Variants in ATP9A observed in about 807,000 individuals in gnomAD.
ATP9A encodes the protein ATPase phospholipid transporting 9A.
A neutral mutation model predicts 144.1 loss-of-function variants in ATP9A; 52 were observed. The ratio of observed to expected loss-of-function variants is 0.36; its 90% CI spans 0.29 to 0.45. The LOEUF is 0.45. Among genes scored for constraint, ATP9A ranks in the 20% least tolerant of loss-of-function variants. The pLI is 1.00. For synonymous variants in ATP9A, 582 were observed against 557.4 expected (o/e 1.04, Z -0.62); for missense variants, 947 against 1,392.7 (o/e 0.68, Z 5.09).
chr20:51,610,539 T>C (rs1007615052), intron 23 of ATP9A, among the ~76,000 whole-genome samples: 2 of 152,162 alleles, frequency 1.3e-5, no homozygotes, highest in African/African-American at 4.8e-5. Flanking sequence ...GCTTTGTACA[T>C]GAGCACAGCT....
chr20:51,729,756 G>T, intron 2 of ATP9A, 78 bp downstream of exon 2: 1 of 1,406,672 alleles, frequency 7.1e-7, no homozygotes, highest in Non-Finnish European at 9.4e-7. Flanking sequence ...AAAATAACAT[G>T]ACATGACATA....
intron 15 of ATP9A, among the ~76,000 whole-genome samples, chr20:51,638,071 TTATA>T (rs56043552): frequency 0.016 from 542 of 33,894 alleles, 8 homozygotes; most frequent in Non-Finnish European, 0.02. Flanking sequence ...TTTCATCATT[TTATA>T]TATATATATA....
chr20:51,733,087 C>G (rs574528950), intron 1 of ATP9A, among the ~76,000 whole-genome samples: 1 of 152,166 alleles, frequency 6.6e-6, no homozygotes, highest in East Asian at 1.9e-4. Context: ...TTTGTTTTAG[C>G]AGAAGTTTCC....
chr20:51,753,936 G>T (rs140480797), intron 1 of ATP9A, among the ~76,000 whole-genome samples: 3,344 of 151,400 alleles, frequency 0.022, 47 homozygotes, highest in East Asian at 0.061. Flanking sequence ...GCCTCCCAAA[G>T]TGCTGGGTTA....
intron 2 of ATP9A, among the ~76,000 whole-genome samples, chr20:51,726,889 CTTTTTTTTTTTTTT>C (rs55719132): frequency 6.4e-5 from 6 of 93,984 alleles, no homozygotes; most frequent in African/African-American, 2.3e-4. Context: ...TGTGTTATTT[CTTTTTTTTTTTTTT>C]TTTTTTTTTT....
chr20:51,605,179 T>C (rs2077158532), intron 26 of ATP9A, among the ~76,000 whole-genome samples, 159 bp from the exon 27 acceptor site: 1 of 152,248 alleles, frequency 6.6e-6, no homozygotes, highest in South Asian at 2.1e-4. Flanking sequence ...TCTGAACCTA[T>C]GGTTTTCTGA....
chr20:51,741,346 C>T (rs1286132288), intron 1 of ATP9A, among the ~76,000 whole-genome samples: 2 of 152,038 alleles, frequency 1.3e-5, no homozygotes, highest in African/African-American at 2.4e-5. Flanking sequence ...TTTGGGAGGC[C>T]GAGGCAGGCG....
chr20:51,726,188 C>G (rs1251900259), intron 2 of ATP9A, among the ~76,000 whole-genome samples: 1 of 151,892 alleles, frequency 6.6e-6, no homozygotes, highest in African/African-American at 2.4e-5. Context: ...TGGCAGGCAC[C>G]TATAATCCCA....
At chr20:51,760,491 C>A (rs536417404) in intron 1 of ATP9A, among the ~76,000 whole-genome samples, 1 of 152,258 alleles carries the variant, frequency 6.6e-6, no homozygotes, top group East Asian at 1.9e-4. Context: ...CTTTGGGAGG[C>A]CAAGGCAGGC....
At chr20:51,710,457 C>CA (rs1362219761) in intron 4 of ATP9A, among the ~76,000 whole-genome samples, 2 of 152,080 alleles carry the variant, frequency 1.3e-5, no homozygotes, top group Non-Finnish European at 2.9e-5. Context: ...ACAGGAAAGT[C>CA]AAAAAAGGCT....
intron 14 of ATP9A, among the ~76,000 whole-genome samples, chr20:51,647,265 T>C (rs922113703): frequency 1.3e-5 from 2 of 152,110 alleles, no homozygotes; most frequent in African/African-American, 4.8e-5. Flanking sequence ...TGACTATTTA[T>C]AGACCGGGCA....
chr20:51,633,607 G>A (rs1381706966), intron 15 of ATP9A, among the ~76,000 whole-genome samples: 1 of 152,060 alleles, frequency 6.6e-6, no homozygotes, highest in Non-Finnish European at 1.5e-5. Flanking sequence ...TTAGCTGGGT[G>A]TGGCAGTGCA....
intron 14 of ATP9A, among the ~76,000 whole-genome samples, chr20:51,653,773 C>CAA (rs796645472): frequency 2.8e-5 from 4 of 143,096 alleles, no homozygotes. Context: ...GGCGACAGAG[C>CAA]AAAAAAAAAA....
Position 51,669,975 on chromosome 20 carries a change from G to A in ATP9A, c.1293+22C>T, listed in dbSNP as rs368159396. 4.5e-6 allele frequency: 7 copies of A among 1,549,604 alleles called. No homozygotes were observed. In the African/African-American group the frequency reaches 9.5e-5, roughly 21 times the overall value. Reference sequence around the variant, plus strand: ...AAAAAAAGTCAAAGAATTGTTTTGGGTGTTGAAATGGAAGGCTTTACCTGG... The same window carrying A: ...AAAAAAAGTCAAAGAATTGTTTTGGATGTTGAAATGGAAGGCTTTACCTGG... On this transcript the variant is annotated intron_variant, in intron 13 of 27. Coordinates refer to ENST00000338821, the MANE Select transcript of ATP9A (RefSeq NM_006045.3).
chr20:51,764,021 CGGTA>C (rs2077893637), intron 1 of ATP9A, among the ~76,000 whole-genome samples: 1 of 152,194 alleles, frequency 6.6e-6, no homozygotes, highest in East Asian at 1.9e-4. Context: ...TAGACCCCAA[CGGTA>C]AACCTCATGC....
intron 23 of ATP9A, among the ~76,000 whole-genome samples, chr20:51,613,363 G>A (rs2077191632): frequency 6.6e-6 from 1 of 152,182 alleles, no homozygotes; most frequent in African/African-American, 2.4e-5. Flanking sequence ...CCCCATGCCA[G>A]GCACTGGATG....
At chr20:51,728,921 G>A (rs1334285837) in intron 2 of ATP9A, among the ~76,000 whole-genome samples, 3 of 151,986 alleles carry the variant, frequency 2.0e-5, no homozygotes, top group Non-Finnish European at 2.9e-5. Context: ...TGTGTTTGGA[G>A]GCAGTGCTGG....
chr20:51,738,252 A>G (rs980630262), intron 1 of ATP9A, among the ~76,000 whole-genome samples: 2 of 152,076 alleles, frequency 1.3e-5, no homozygotes, highest in Non-Finnish European at 2.9e-5. Flanking sequence ...CTGGTCTCGA[A>G]TTCCTGACCT....
chr20:51,632,160 C>G (rs539870393), intron 15 of ATP9A, among the ~76,000 whole-genome samples: 3 of 152,294 alleles, frequency 2.0e-5, no homozygotes, highest in East Asian at 3.9e-4. Flanking sequence ...GCCTCGACCT[C>G]CTGGACTCGA....
Sources: gnomAD v4.1 joint callset for allele counts (sites outside exome capture counted in the v4.1 genomes callset) on GRCh38, gnomAD v4.1.1 for gene constraint, MANE v1.5 for transcripts, NCBI Gene and HGNC (gene_info 2026-07-23, HGNC 2026-07-21) for gene names.